Variants in SYTL5 observed in about 807,000 individuals in gnomAD.
SYTL5 encodes the protein synaptotagmin-like protein 5.
In SYTL5, 34 loss-of-function variants were observed where a neutral mutation model predicts 55.9. The observed-to-expected ratio is 0.61, with a 90% CI of 0.46 to 0.81. The LOEUF (loss-of-function observed/expected upper bound fraction) is 0.81, where lower values mean the gene tolerates loss of function less well. SYTL5 is among the 30% of genes least tolerant of loss of function. The pLI is 0.00. For missense variants in SYTL5, 637 were observed against 546.7 expected (o/e 1.17, Z -1.65); for synonymous variants, 221 against 188.7 (o/e 1.17, Z -1.40).
In SYTL5 at chrX:38,058,463, A is replaced by G. The variant is rs1235455814; in HGVS notation, c.329+4041A>G. 1.6e-4 allele frequency among the ~76,000 whole-genome samples: 18 copies of G among 110,662 alleles called. No homozygotes were observed. The Admixed American group carries it at 1.7e-3, about 11-fold the overall frequency. On this transcript the variant is annotated intron_variant, in intron 3 of 16. Transcript: ENST00000297875. ...CATCAGAATAATTTTTCTTCTTCCT[A>G]AAGGGTACCCTTTAGTATTTCCTTT...
At chrX:37,996,183 C>T in the SYTL5 span, among the ~76,000 whole-genome samples, 3 of 111,924 alleles carry the variant, frequency 2.7e-5, no homozygotes, top group Admixed American at 9.4e-5. Context: ...TTGTGCTCAG[C>T]TGTGCTCGTG....
the SYTL5 span, among the ~76,000 whole-genome samples, chrX:37,985,791 T>C: frequency 9.0e-6 from 1 of 111,521 alleles, no homozygotes; most frequent in South Asian, 3.7e-4. Flanking sequence ...AAAGCAACAG[T>C]AATCAAGACA....
intron 1 of SYTL5, among the ~76,000 whole-genome samples, chrX:38,027,424 A>C (rs1934813618): frequency 9.0e-6 from 1 of 111,273 alleles, no homozygotes; most frequent in Admixed American, 9.6e-5. Context: ...GTTTCTTTTG[A>C]GATGCAGTCA....
At chrX:37,959,968 G>A in the SYTL5 span, among the ~76,000 whole-genome samples, 1 of 111,811 alleles carries the variant, frequency 8.9e-6, no homozygotes, top group Non-Finnish European at 1.9e-5. Flanking sequence ...TGCTGCCAAA[G>A]TTTATGTCTC....
At chrX:38,053,414 G>T (rs1425582595) in intron 2 of SYTL5, among the ~76,000 whole-genome samples, 2 of 112,510 alleles carry the variant, frequency 1.8e-5, no homozygotes, top group Non-Finnish European at 3.8e-5. Context: ...TGAAGAGACT[G>T]GGGTTGAGTG....
the SYTL5 span, among the ~76,000 whole-genome samples, chrX:37,907,212 T>C: frequency 9.0e-6 from 1 of 111,569 alleles, no homozygotes; most frequent in Non-Finnish European, 1.9e-5. Flanking sequence ...CCTGCTGATA[T>C]GCCTGCCACC....
intron 2 of SYTL5, among the ~76,000 whole-genome samples, chrX:38,050,632 G>A (rs1002686544): frequency 1.4e-4 from 15 of 111,030 alleles, no homozygotes; most frequent in Non-Finnish European, 2.5e-4. Context: ...AAAAATAAGC[G>A]GGAGCCAGCC....
At chrX:37,897,537 A>G in the SYTL5 span, among the ~76,000 whole-genome samples, 5 of 110,428 alleles carry the variant, frequency 4.5e-5, no homozygotes, top group East Asian at 1.4e-3. Flanking sequence ...GGCCAAATAC[A>G]TGTCTCATGT....
chrX:37,985,015 A>G, the SYTL5 span, among the ~76,000 whole-genome samples: 1 of 112,263 alleles, frequency 8.9e-6, no homozygotes, highest in Non-Finnish European at 1.9e-5. Flanking sequence ...CCTACAGCCA[A>G]CATCATACTT....
chrX:38,002,279 G>C (rs539926426), upstream of SYTL5, among the ~76,000 whole-genome samples: 23 of 112,068 alleles, frequency 2.1e-4, no homozygotes, highest in South Asian at 8.2e-3. Context: ...TGGACAGTTG[G>C]GTTGGTTCCA....
chrX:37,943,369 C>A, the SYTL5 span, among the ~76,000 whole-genome samples: 3 of 111,490 alleles, frequency 2.7e-5, no homozygotes, highest in Non-Finnish European at 3.8e-5. Flanking sequence ...GGTAGAGGAA[C>A]CACTGCAATG....
At chrX:38,088,046 G>C (rs1936699300) in intron 6 of SYTL5, among the ~76,000 whole-genome samples, 1 of 111,329 alleles carries the variant, frequency 9.0e-6, no homozygotes, top group South Asian at 3.9e-4. Flanking sequence ...CTAACACCTA[G>C]AAGATACTAA....
chrX:38,118,952 C>CATATATATAT (rs36070047), intron 13 of SYTL5, among the ~76,000 whole-genome samples: 61 of 89,715 alleles, frequency 6.8e-4, no homozygotes, highest in African/African-American at 2.2e-3. Context: ...TACGCATATA[C>CATATATATAT]ATATATATAT....
chrX:37,924,945 T>C, the SYTL5 span, among the ~76,000 whole-genome samples: 1 of 111,514 alleles, frequency 9.0e-6, no homozygotes, highest in East Asian at 2.8e-4. Context: ...ATTTCCCTAC[T>C]GTACTATCAA....
chrX:38,009,484 G>A (rs1934106403), intron 1 of SYTL5, among the ~76,000 whole-genome samples: 1 of 111,934 alleles, frequency 8.9e-6, no homozygotes, highest in Non-Finnish European at 1.9e-5. Context: ...AAATCTTGGA[G>A]TCAATTTTGC....
Position 38,094,367 on chromosome X carries a change from C to A in SYTL5, c.904C>A (p.Arg302Ser), listed in dbSNP as rs57226394. ...CTCTCAGGAGCTCACAAAGAGTCAC[C>A]GCAGAAACACTTCTGGCACACCTTC... The part of the protein sequence containing the change: ...GTSQELTKSH[R>S]RNTSGTPSIA... Residue 302 changes from arginine (R) to serine (S), a missense_variant, in exon 8 of 17, where the codon CGC (arginine) becomes AGC (serine). Coordinates refer to ENST00000297875, the MANE Select transcript of SYTL5 (RefSeq NM_138780.3). 3 of 1,205,324 alleles carry A rather than the reference C, an allele frequency of 2.5e-6. No individual in the cohort carries two copies. Among genetic ancestry groups the A allele is most frequent in the Non-Finnish European group, 3.4e-6 (3 of 891,130 alleles).
At chrX:38,001,052 T>C in the SYTL5 span, among the ~76,000 whole-genome samples, 3 of 110,615 alleles carry the variant, frequency 2.7e-5, no homozygotes, top group Non-Finnish European at 5.7e-5. Context: ...TCTTGGGAAA[T>C]GCAACATTTG....
At chrX:37,923,989 G>C in the SYTL5 span, among the ~76,000 whole-genome samples, 993 of 111,107 alleles carry the variant, frequency 8.9e-3, 10 homozygotes, top group African/African-American at 0.03. Context: ...AGAGGTTCCC[G>C]CCAAGGTTCT....
rs181733829 is a variant in SYTL5, at chrX:38,099,328, A to C, written c.1063-3014A>C. ...GAAAAGAAAGTAAAGAAACATGAAG[A>C]CTGGTACTTTATGTGATGACTACTG... is the stretch of plus-strand genomic sequence containing the variant. On this transcript the variant is annotated intron_variant, in intron 9 of 16. Coordinates refer to ENST00000297875, the MANE Select transcript of SYTL5 (RefSeq NM_138780.3). Among the ~76,000 whole-genome samples, 197 of 111,247 alleles carry C rather than the reference A, an allele frequency of 1.8e-3. 4 individuals are homozygous for C. The highest frequency in any genetic ancestry group is 6.3e-3 in the African/African-American group (194 of 30,840).
Sources: gnomAD v4.1 joint callset for allele counts (sites outside exome capture counted in the v4.1 genomes callset) on GRCh38, gnomAD v4.1.1 for gene constraint, MANE v1.5 for transcripts, NCBI Gene and HGNC (gene_info 2026-07-23, HGNC 2026-07-21) for gene names.